SNTG1: variants seen among roughly 807,000 people sequenced by gnomAD.
The protein encoded by SNTG1 is gamma-1-syntrophin.
In SNTG1, 39 loss-of-function variants were observed where a neutral mutation model predicts 74.7. That is an observed-to-expected ratio of 0.52 (90% CI 0.40 to 0.68). The LOEUF (loss-of-function observed/expected upper bound fraction) is 0.68. SNTG1 is among the 30% of genes least tolerant of loss of function. The pLI, the probability that SNTG1 is intolerant of heterozygous loss-of-function variation, is 0.00. For synonymous variants in SNTG1, 254 were observed against 217.1 expected (o/e 1.17, Z -1.49); for missense variants, 685 against 609.5 (o/e 1.12, Z -1.30).
At chr8:50,507,135 GA>G (rs1201708913) in intron 9 of SNTG1, among the ~76,000 whole-genome samples, 1 of 151,738 alleles carries the variant, frequency 6.6e-6, no homozygotes, top group African/African-American at 2.4e-5. Context: ...TACATAGATA[GA>G]TTTTTTTTCA....
chr8:50,402,449 CAATGGTT>C (rs1339722625), intron 4 of SNTG1, 105 bp downstream of exon 4: 8 of 1,336,684 alleles, frequency 6.0e-6, no homozygotes, highest in Non-Finnish European at 8.1e-6. Flanking sequence ...AGTGTCTAGT[CAATGGTT>C]CTGCATGGAA....
At chr8:50,439,632 G>A (rs1409501571) in intron 5 of SNTG1, among the ~76,000 whole-genome samples, 1 of 151,592 alleles carries the variant, frequency 6.6e-6, no homozygotes, top group Non-Finnish European at 1.5e-5. Flanking sequence ...TAAGACCAGG[G>A]AGGCATGCAG....
chr8:50,383,892 T>C (rs1369644441), intron 2 of SNTG1, among the ~76,000 whole-genome samples: 1 of 152,186 alleles, frequency 6.6e-6, no homozygotes, highest in East Asian at 1.9e-4. Context: ...TCAGAGGCAA[T>C]GGAGTCCAAA....
chr8:50,114,953 AAC>A (rs2080755141), intron 1 of SNTG1, among the ~76,000 whole-genome samples: 2 of 152,212 alleles, frequency 1.3e-5, no homozygotes, highest in African/African-American at 4.8e-5. Context: ...TGATTATTAT[AAC>A]ACAATGTTTG....
intron 2 of SNTG1, among the ~76,000 whole-genome samples, chr8:50,231,707 G>A (rs1244822361): frequency 6.6e-6 from 1 of 151,312 alleles, no homozygotes; most frequent in Non-Finnish European, 1.5e-5. Flanking sequence ...TGGTTACAAA[G>A]GCTGGGGACT....
At chr8:50,303,058 T>TA (rs557970738) in intron 2 of SNTG1, among the ~76,000 whole-genome samples, 69 of 152,324 alleles carry the variant, frequency 4.5e-4, no homozygotes, top group African/African-American at 1.5e-3. Context: ...TTTCTCATTT[T>TA]AAAAAACATT....
At chr8:50,764,758 C>T (rs2095609293) in intron 18 of SNTG1, among the ~76,000 whole-genome samples, 1 of 151,790 alleles carries the variant, frequency 6.6e-6, no homozygotes. Flanking sequence ...CTGTGTAGAG[C>T]CAGCAATCCC....
At chr8:50,764,228 T>A (rs1301822372) in intron 18 of SNTG1, among the ~76,000 whole-genome samples, 1 of 151,868 alleles carries the variant, frequency 6.6e-6, no homozygotes, top group Non-Finnish European at 1.5e-5. Context: ...TTTGCCTCCA[T>A]AAGCTCAGGC....
At chr8:50,146,553 A>G (rs1195918704) in intron 1 of SNTG1, among the ~76,000 whole-genome samples, 1 of 152,034 alleles carries the variant, frequency 6.6e-6, no homozygotes, top group Non-Finnish European at 1.5e-5. Context: ...CAAACAAACA[A>G]ACAAACAAAA....
intron 2 of SNTG1, among the ~76,000 whole-genome samples, chr8:50,326,558 A>G (rs923889400): frequency 6.6e-6 from 1 of 151,484 alleles, no homozygotes; most frequent in Non-Finnish European, 1.5e-5. Context: ...CATGTCTGAT[A>G]TTAGTAATTT....
At chr8:50,669,963 C>G (rs141155872) in intron 15 of SNTG1, among the ~76,000 whole-genome samples, 2 of 152,186 alleles carry the variant, frequency 1.3e-5, no homozygotes, top group South Asian at 2.1e-4. Flanking sequence ...TCAATAGATG[C>G]AGAAAAGGCC....
chr8:50,144,904 A>C (rs999160426), intron 1 of SNTG1, among the ~76,000 whole-genome samples: 7 of 152,210 alleles, frequency 4.6e-5, no homozygotes, highest in African/African-American at 1.7e-4. Flanking sequence ...TTGTCAGGTC[A>C]GCAGTCTTGG....
chr8:50,295,872 A>G (rs1469211159), intron 2 of SNTG1, among the ~76,000 whole-genome samples: 1 of 152,172 alleles, frequency 6.6e-6, no homozygotes, highest in East Asian at 1.9e-4. Context: ...ATTTGAGCCT[A>G]ATTTCATTCT....
chr8:50,407,245 TGTTAACTCTCA>T, intron 4 of SNTG1, among the ~76,000 whole-genome samples: 1 of 152,050 alleles, frequency 6.6e-6, no homozygotes, highest in South Asian at 2.1e-4. Flanking sequence ...ACAAATAGAG[TGTTAACTCTCA>T]GTCTGCTTAA....
At chr8:50,100,846 T>G (rs1016416737) in intron 1 of SNTG1, among the ~76,000 whole-genome samples, 1 of 152,100 alleles carries the variant, frequency 6.6e-6, no homozygotes, top group Non-Finnish European at 1.5e-5. Flanking sequence ...AAATTGTATG[T>G]CATTGGGGTT....
intron 1 of SNTG1, among the ~76,000 whole-genome samples, chr8:50,015,353 G>A (rs993942891): frequency 6.6e-6 from 1 of 151,960 alleles, no homozygotes; most frequent in African/African-American, 2.4e-5. Context: ...GTTTCAGAAA[G>A]AGAGTGGAAA....
chr8:50,222,586 C>A (rs998283539), intron 2 of SNTG1, among the ~76,000 whole-genome samples: 4 of 152,092 alleles, frequency 2.6e-5, no homozygotes, highest in African/African-American at 9.7e-5. Flanking sequence ...GAACATATAC[C>A]TCCTTTTTCC....
chr8:50,665,030 T>C (rs2095243863), intron 15 of SNTG1, among the ~76,000 whole-genome samples: 1 of 152,194 alleles, frequency 6.6e-6, no homozygotes, highest in African/African-American at 2.4e-5. Flanking sequence ...AGATTATTTT[T>C]TTAAACAGTA....
rs928407999 is a variant in SNTG1 at position 50,796,013 on chromosome 8, C to T, written c.*3184C>T. On this transcript the variant is annotated 3_prime_UTR_variant, in exon 19 of 19. Coordinates refer to ENST00000642720, the MANE Select transcript of SNTG1 (RefSeq NM_018967.5). ...AATTACTTGAAAATAAATGTCAAGT[C>T]CATATTAGCCATGCAAAGAGAGAAA... The T allele has an allele frequency of 2.6e-5, 4 of 151,978 alleles. No individual in the cohort carries two copies. Among genetic ancestry groups the T allele is most frequent in the African/African-American group, 4.8e-5 (2 of 41,396 alleles). 9.4% of individuals were successfully genotyped at this position (151,978 alleles called of 1,614,324 possible).
Sources: allele counts gnomAD v4.1 joint callset (sites outside exome capture counted in the v4.1 genomes callset), GRCh38; gene constraint gnomAD v4.1.1; transcripts MANE v1.5; gene names NCBI Gene and HGNC (gene_info 2026-07-23, HGNC 2026-07-21).